The following NRP2 variants were observed in gnomAD, a reference collection of about 807,000 sequenced individuals.
NRP2 encodes the protein neuropilin-2.
In NRP2, 52 loss-of-function variants were observed where a neutral mutation model predicts 110.4. The ratio of observed to expected loss-of-function variants is 0.47; its 90% CI spans 0.38 to 0.59. NRP2 has a LOEUF of 0.59. Among genes scored for constraint, NRP2 ranks in the 20% least tolerant of loss-of-function variants. The pLI is 0.00. For synonymous variants in NRP2, 508 were observed against 468.9 expected (o/e 1.08, Z -1.08); for missense variants, 1,049 against 1,203.0 (o/e 0.87, Z 1.89).
chr2:205,737,074 C>A (rs898796201), intron 7 of NRP2, among the ~76,000 whole-genome samples: 3 of 152,130 alleles, frequency 2.0e-5, no homozygotes, highest in African/African-American at 4.8e-5. Context: ...TATCTTTGGG[C>A]AAAAGACAAT....
intron 7 of NRP2, among the ~76,000 whole-genome samples, chr2:205,737,557 G>A (rs2057367197): frequency 6.6e-6 from 1 of 152,200 alleles, no homozygotes; most frequent in African/African-American, 2.4e-5. Flanking sequence ...CACTCAGAGT[G>A]AGAGGTGTGT....
intron 15 of NRP2, among the ~76,000 whole-genome samples, chr2:205,775,352 AC>A (rs2058081649): frequency 6.6e-6 from 1 of 152,150 alleles, no homozygotes; most frequent in Non-Finnish European, 1.5e-5. Context: ...CTCCATAGCA[AC>A]CGGCAGCGGC....
At chr2:205,745,386 C>T (rs1399163230) in intron 9 of NRP2, among the ~76,000 whole-genome samples, 1 of 152,170 alleles carries the variant, frequency 6.6e-6, no homozygotes, top group Admixed American at 6.5e-5. Flanking sequence ...GGTCAAAGAT[C>T]GCCCAAACTG....
rs1398846278 is a variant in NRP2, at chr2:205,722,512, C to T, written c.468C>T (p.Pro156=). 6.2e-7 allele frequency: 1 copy of T among 1,614,220 alleles called. No individual in the cohort carries two copies. ...SEDCSKNFTS[P]NGTIESPGFP... is the part of the protein sequence containing the mutation. ...ATTGCTCAAAAAACTTCACAAGCCC[C>T]AACGGGACCATCGAATCTCCTGGGT... The change falls in exon 4 of 17, where the codon CCC becomes CCT. Residue 156 remains proline (P), a synonymous_variant. Coordinates refer to ENST00000357785, the MANE Select transcript of NRP2 (RefSeq NM_003872.3).
At chr2:205,707,340 C>T (rs958660477) in intron 2 of NRP2, among the ~76,000 whole-genome samples, 11 of 152,376 alleles carry the variant, frequency 7.2e-5, no homozygotes, top group Admixed American at 5.2e-4. Context: ...TCCGCCCTGG[C>T]GTGGCAGCAG....
rs761309183 is a variant in NRP2 at position 205,740,512 on chromosome 2, G to A, written c.1147-7G>A. The A allele has an allele frequency of 7.4e-6, 12 of 1,614,014 alleles. No homozygotes were observed. Among genetic ancestry groups the A allele is most frequent in the African/African-American group, 2.7e-5 (2 of 74,920 alleles). On this transcript the variant is annotated splice_region_variant and splice_polypyrimidine_tract_variant and intron_variant, in intron 7 of 16. Transcript: ENST00000357785. ...TCAATAACATGGTTTTGCATCTTAC[G>A]CTACAGGTATTTCAAGCCAACAACG...
Position 205,736,234 on chromosome 2 carries a change from A to C in NRP2, c.1147-4285A>C, listed in dbSNP as rs988042709. 1.4e-4 allele frequency among the ~76,000 whole-genome samples: 22 copies of C among 152,144 alleles called. No individual in the cohort carries two copies. The South Asian group carries it at 3.1e-3, about 22-fold the overall frequency. The stretch of plus-strand genomic sequence containing the variant: ...GCGCATACCTGTAATCCCAGCTACT[A>C]GGGAGGCTGAGGCAGGAGAATTGCT... On this transcript the variant is annotated intron_variant, in intron 7 of 16. Transcript: ENST00000357785.
intron 2 of NRP2, among the ~76,000 whole-genome samples, chr2:205,706,769 T>C (rs890764623): frequency 1.3e-5 from 2 of 152,096 alleles, no homozygotes; most frequent in Non-Finnish European, 2.9e-5. Flanking sequence ...TACTGAGTTA[T>C]CTTCTTGGGG....
In NRP2 at chr2:205,725,862, G is replaced by A. The variant is rs772496473; in HGVS notation, c.821-51G>A. ...AGGGAGGCAGCATTTGGGGGATCCC[G>A]AGGTATGAGGTTGGAAGGCCTAACT... On this transcript the variant is annotated intron_variant, in intron 5 of 16. Coordinates refer to ENST00000357785, the MANE Select transcript of NRP2 (RefSeq NM_003872.3). The surrounding 1 kb of genome is among the most constrained non-coding windows in gnomAD (Gnocchi z 4.1). The A allele has an allele frequency of 1.5e-5, 24 of 1,602,744 alleles. No homozygotes were observed. The highest frequency in any genetic ancestry group is 1.3e-4 in the South Asian group (12 of 90,752).
At chr2:205,722,997 AG>A (rs2057052344) in intron 4 of NRP2, among the ~76,000 whole-genome samples, 1 of 152,194 alleles carries the variant, frequency 6.6e-6, no homozygotes, top group Non-Finnish European at 1.5e-5. Flanking sequence ...TCAGGATAGA[AG>A]GTGGCTCAGT....
At chr2:205,753,888 A>G (rs1342653746) in intron 12 of NRP2, among the ~76,000 whole-genome samples, 2 of 152,260 alleles carry the variant, frequency 1.3e-5, no homozygotes, top group Non-Finnish European at 2.9e-5. Flanking sequence ...GTAGACAGAA[A>G]TGACTCCAGA....
intron 6 of NRP2, among the ~76,000 whole-genome samples, chr2:205,727,153 A>G (rs1271037592): frequency 6.6e-6 from 1 of 152,252 alleles, no homozygotes; most frequent in East Asian, 1.9e-4. Flanking sequence ...TAGGTCACCA[A>G]TAAGTGCTTA....
In NRP2 at chr2:205,795,065, G is replaced by A. The variant is rs754160893; in HGVS notation, c.*7G>A. On this transcript the variant is annotated 3_prime_UTR_variant, in exon 17 of 17. Coordinates refer to ENST00000357785, the MANE Select transcript of NRP2 (RefSeq NM_003872.3). ...GTGCTGCTCCGAGGCATGACGGATT[G>A]CACCTGAATCCTATCTGACGTTTCA... 1.1e-5 allele frequency: 17 copies of A among 1,613,062 alleles called. No individual in the cohort carries two copies. In the South Asian group the frequency reaches 1.8e-4, roughly 17 times the overall value.
chr2:205,706,025 G>A (rs962826786), intron 2 of NRP2, among the ~76,000 whole-genome samples: 1 of 151,690 alleles, frequency 6.6e-6, no homozygotes, highest in Non-Finnish European at 1.5e-5. Context: ...TCAGTCCATC[G>A]TCTCTCTCTG....
chr2:205,761,905 T>G (rs572737737), intron 12 of NRP2: 18 of 152,240 alleles, frequency 1.2e-4, no homozygotes, highest in Non-Finnish European at 2.1e-4. Context: ...ACATGAAATA[T>G]TGCATGTAAA....
chr2:205,745,941 C>A, intron 10 of NRP2, 51 bp downstream of exon 10: 2 of 1,607,996 alleles, frequency 1.2e-6, no homozygotes, highest in Non-Finnish European at 1.7e-6. Flanking sequence ...GTCCTCTGAC[C>A]CTGGCATCCC....
At chr2:205,696,945 T>TA (rs1223029806) in intron 1 of NRP2, among the ~76,000 whole-genome samples, 3 of 151,844 alleles carry the variant, frequency 2.0e-5, no homozygotes, top group African/African-American at 4.8e-5. Flanking sequence ...TTTTTTTTCT[T>TA]AAAAAAAAAT....
intron 11 of NRP2, chr2:205,752,340 A>G: frequency 9.8e-6 from 2 of 203,842 alleles, no homozygotes; most frequent in South Asian, 8.9e-5. Context: ...CTTGTTTCTG[A>G]GGTCACTTTC....
At chr2:205,772,518 G>A (rs1417463598) in intron 15 of NRP2, among the ~76,000 whole-genome samples, 1 of 152,184 alleles carries the variant, frequency 6.6e-6, no homozygotes, top group Non-Finnish European at 1.5e-5. Flanking sequence ...ATCTGTTTCT[G>A]ATTATCTCAC....
Sources: allele counts gnomAD v4.1 joint callset (sites outside exome capture counted in the v4.1 genomes callset), GRCh38; gene constraint gnomAD v4.1.1; non-coding constraint Gnocchi (gnomAD v3.1); transcripts MANE v1.5; gene names NCBI Gene and HGNC (gene_info 2026-07-23, HGNC 2026-07-21).